The following ZDHHC21 variants were observed in gnomAD, a reference collection of about 807,000 sequenced individuals.
ZDHHC21 encodes palmitoyltransferase ZDHHC21.
ZDHHC21 carries 15 observed loss-of-function variants against 34.6 expected under a neutral mutation model. The ratio of observed to expected loss-of-function variants is 0.43; its 90% CI spans 0.29 to 0.67. The LOEUF is 0.67. Ranked by LOEUF, ZDHHC21 falls within the 30% of genes least tolerant of loss-of-function variation. The pLI, the probability that ZDHHC21 is intolerant of heterozygous loss-of-function variation, is 0.14. For missense variants in ZDHHC21, 344 were observed against 327.7 expected, an observed-to-expected ratio of 1.05 and a Z score of -0.38; for synonymous variants, 142 against 101.8, an observed-to-expected ratio of 1.40 and a Z score of -2.38.
At chr9:14,600,544 G>T in the ZDHHC21 span, among the ~76,000 whole-genome samples, 5 of 152,138 alleles carry the variant, frequency 3.3e-5, no homozygotes, top group African/African-American at 1.2e-4. Context: ...TGATGGATAG[G>T]AAGAATCAAT....
chr9:14,619,145 A>G, intron 9 of ZDHHC21, 47 bp from the exon 10 acceptor site: 1 of 1,552,798 alleles, frequency 6.4e-7, no homozygotes, highest in Non-Finnish European at 8.7e-7. Flanking sequence ...CCCATGGTGC[A>G]CTTCAGTCAG....
At chr9:14,601,575 C>G in the ZDHHC21 span, among the ~76,000 whole-genome samples, 641 of 152,200 alleles carry the variant, frequency 4.2e-3, 4 homozygotes, top group South Asian at 0.026. Flanking sequence ...AACAATTGTG[C>G]AAGACAGTGT....
intron 2 of ZDHHC21, among the ~76,000 whole-genome samples, chr9:14,683,377 A>C (rs1054842954): frequency 6.6e-6 from 1 of 152,128 alleles, no homozygotes; most frequent in East Asian, 1.9e-4. Flanking sequence ...TATCACCACC[A>C]ATCCCACAGA....
chr9:14,635,057 A>G (rs889883571), intron 8 of ZDHHC21, among the ~76,000 whole-genome samples: 1 of 152,184 alleles, frequency 6.6e-6, no homozygotes, highest in African/African-American at 2.4e-5. Flanking sequence ...CAAAGTTTCG[A>G]TAATAGAATA....
chr9:14,672,372 C>T lies in ZDHHC21; in HGVS notation c.253+458G>A, dbSNP rs982752457. Among the ~76,000 whole-genome samples, 4 of 151,910 alleles carry T rather than the reference C, an allele frequency of 2.6e-5. No individual in the cohort carries two copies. In the East Asian group the frequency reaches 7.7e-4, roughly 29 times the overall value. ...ATTTACAAAAGAATCAGGTAACCAG[C>T]ACCAAAAAGTACATTATGACTTAAG... On this transcript the variant is annotated intron_variant, in intron 5 of 9. Coordinates refer to ENST00000380916, the MANE Select transcript of ZDHHC21 (RefSeq NM_178566.6).
At chr9:14,690,892 T>G (rs1839058528) in intron 1 of ZDHHC21, among the ~76,000 whole-genome samples, 1 of 152,224 alleles carries the variant, frequency 6.6e-6, no homozygotes, top group South Asian at 2.1e-4. Context: ...ATTATTCTAC[T>G]AGATGCTAAA....
chr9:14,622,751 GAAGT>G (rs1332077680), intron 8 of ZDHHC21: 3 of 985,176 alleles, frequency 3.0e-6, no homozygotes, highest in African/African-American at 1.7e-5. Context: ...TTTGAGTCTG[GAAGT>G]AAGAGCCATT....
At chr9:14,605,399 G>C in the ZDHHC21 span, among the ~76,000 whole-genome samples, 1 of 152,044 alleles carries the variant, frequency 6.6e-6, no homozygotes, top group East Asian at 1.9e-4. Context: ...ACAGTTGTGA[G>C]ATAATACCTC....
chr9:14,606,904 C>A (rs1823030464), downstream of ZDHHC21, among the ~76,000 whole-genome samples: 3 of 151,888 alleles, frequency 2.0e-5, no homozygotes, highest in Admixed American at 2.0e-4. Context: ...TAATAGTATT[C>A]ATGTGAGAAT....
intron 8 of ZDHHC21, among the ~76,000 whole-genome samples, chr9:14,630,123 A>G (rs1827074039): frequency 6.6e-6 from 1 of 152,224 alleles, no homozygotes; most frequent in Non-Finnish European, 1.5e-5. Context: ...ATTTCTCTGT[A>G]GCATGCGATG....
At chr9:14,678,878 G>A (rs942446094) in intron 3 of ZDHHC21, among the ~76,000 whole-genome samples, 1 of 151,976 alleles carries the variant, frequency 6.6e-6, no homozygotes, top group African/African-American at 2.4e-5. Flanking sequence ...ATTTAGATCT[G>A]CATATAACTA....
intron 3 of ZDHHC21, chr9:14,677,589 T>C (rs1031399317): frequency 3.9e-5 from 6 of 152,058 alleles, no homozygotes; most frequent in African/African-American, 1.4e-4. Context: ...ATTTGTATAT[T>C]AAATGGTGAG....
chr9:14,676,816 T>C (rs906862801), intron 3 of ZDHHC21, among the ~76,000 whole-genome samples: 4 of 152,016 alleles, frequency 2.6e-5, no homozygotes, highest in African/African-American at 9.7e-5. Context: ...ACAATGTTAA[T>C]TTTTTAGTCT....
chr9:14,691,463 C>T lies in ZDHHC21; in HGVS notation c.-224-1078G>A, dbSNP rs140415168. ...ATGCATTTTTCCACAGGTTCTGAAT[C>T]GGTCATTACGAATTAAAGAAATGAG... On this transcript the variant is annotated intron_variant, in intron 1 of 9. Coordinates refer to ENST00000380916, the MANE Select transcript of ZDHHC21 (RefSeq NM_178566.6). 3.6e-3 allele frequency among the ~76,000 whole-genome samples: 553 copies of T among 152,234 alleles called. 2 individuals carry two copies. Among genetic ancestry groups the T allele is most frequent in the Middle Eastern group, 6.8e-3 (2 of 294 alleles).
At chr9:14,633,574 C>A (rs1003781756) in intron 8 of ZDHHC21, among the ~76,000 whole-genome samples, 1 of 152,138 alleles carries the variant, frequency 6.6e-6, no homozygotes, top group Non-Finnish European at 1.5e-5. Context: ...CTGTATCCTG[C>A]CAGTGAGCCC....
intron 8 of ZDHHC21, among the ~76,000 whole-genome samples, chr9:14,628,893 T>C (rs1455240925): frequency 6.6e-6 from 1 of 152,276 alleles, no homozygotes; most frequent in East Asian, 1.9e-4. Flanking sequence ...TTTTAAATAA[T>C]CAAGCCTCAA....
chr9:14,657,519 A>G (rs945542573), intron 7 of ZDHHC21, among the ~76,000 whole-genome samples: 14 of 147,698 alleles, frequency 9.5e-5, no homozygotes, highest in Middle Eastern at 3.5e-3. Flanking sequence ...TTACTGTAAA[A>G]GAGCCAGACA....
intron 3 of ZDHHC21, 74 bp downstream of exon 3, chr9:14,679,959 A>C (rs1554788366): frequency 6.6e-6 from 1 of 152,544 alleles, no homozygotes; most frequent in Non-Finnish European, 1.5e-5. Context: ...AGTGCATCTA[A>C]GCATAAGACT....
At chr9:14,669,777 T>A (rs2131484706) in intron 5 of ZDHHC21, among the ~76,000 whole-genome samples, 1 of 147,344 alleles carries the variant, frequency 6.8e-6, no homozygotes. Flanking sequence ...CACTCCATAT[T>A]CTCACTCATA....
Sources: gnomAD v4.1 joint callset for allele counts (sites outside exome capture counted in the v4.1 genomes callset) on GRCh38, gnomAD v4.1.1 for gene constraint, MANE v1.5 for transcripts, NCBI Gene and HGNC (gene_info 2026-07-23, HGNC 2026-07-21) for gene names.